Variants in L3HYPDH observed in about 807,000 individuals in gnomAD.
L3HYPDH encodes the protein trans-3-hydroxy-L-proline dehydratase.
Under a neutral mutation model 26.5 loss-of-function variants are expected in L3HYPDH, and 32 were observed. The observed-to-expected ratio is 1.21, with a 90% CI of 0.91 to 1.62. L3HYPDH has a LOEUF of 1.62. Among genes scored for constraint, L3HYPDH ranks in the 40% most tolerant of loss-of-function variants. The pLI is 0.00. For missense variants in L3HYPDH, 554 were observed against 476.4 expected, an observed-to-expected ratio of 1.16 and a Z score of -1.52; for synonymous variants, 215 against 196.6, an observed-to-expected ratio of 1.09 and a Z score of -0.78.
chr14:59,494,763 CTA>C, the L3HYPDH span, among the ~76,000 whole-genome samples: 1 of 152,042 alleles, frequency 6.6e-6, no homozygotes, highest in African/African-American at 2.4e-5. Context: ...ACACAGATAA[CTA>C]AGAAATTTTT....
chr14:59,490,726 C>T, the L3HYPDH span, among the ~76,000 whole-genome samples: 1 of 152,008 alleles, frequency 6.6e-6, no homozygotes, highest in African/African-American at 2.4e-5. Flanking sequence ...AGCTTTCATC[C>T]AGTTTTTAAT....
At position 59,467,449 on chromosome 14, in the gene L3HYPDH, G is replaced by A. The variant is rs375282710; in HGVS notation, n.31-6276C>T. Among the ~76,000 whole-genome samples, 7 of 152,290 alleles carry A rather than the reference G, an allele frequency of 4.6e-5. No individual in the cohort carries two copies. In the East Asian group the frequency reaches 9.6e-4, roughly 21 times the overall value. On this transcript the variant is annotated intron_variant and non_coding_transcript_variant, in intron 1 of 2. Coordinates refer to the L3HYPDH transcript ENST00000466522. ...AGGGAGGGCCGTGAGCAAGTGCATGGTTCAGAAGGACCAGAAGGACTGCAC... is the reference window on the plus strand; with the variant it reads ...AGGGAGGGCCGTGAGCAAGTGCATGATTCAGAAGGACCAGAAGGACTGCAC...
chr14:59,500,122 A>G, the L3HYPDH span, among the ~76,000 whole-genome samples: 1 of 152,180 alleles, frequency 6.6e-6, no homozygotes, highest in Admixed American at 6.6e-5. Context: ...TTGTTTAGCT[A>G]CTTATAAGTT....
At chr14:59,483,272 T>C (rs991746576) in intron 1 of L3HYPDH, among the ~76,000 whole-genome samples, 3 of 152,262 alleles carry the variant, frequency 2.0e-5, no homozygotes, top group Admixed American at 6.5e-5. Flanking sequence ...TGTGTGTTCC[T>C]GTTCTTAAAG....
At chr14:59,492,580 G>A in the L3HYPDH span, among the ~76,000 whole-genome samples, 2 of 152,150 alleles carry the variant, frequency 1.3e-5, no homozygotes, top group South Asian at 2.1e-4. Context: ...CTCCCCAGTC[G>A]AGATATAATT....
Position 59,484,203 on chromosome 14 carries a change from C to A in L3HYPDH, c.114G>T (p.Gly38=). ...GGGTGGGCCCAGACACCTCCGGACA[C>A]CCCGCCAGCACGATACGCAAGGGCT... ...GGEPLRIVLA[G]CPEVSGPTLL... The change falls in exon 1 of 5, where the codon GGG becomes GGT. Residue 38 remains glycine, a synonymous_variant. Coordinates refer to ENST00000247194, the MANE Select transcript of L3HYPDH (RefSeq NM_144581.2). 6.3e-7 allele frequency: 1 copy of A among 1,598,846 alleles called. No homozygotes were observed. The highest frequency in any genetic ancestry group is 8.5e-7 in the Non-Finnish European group (1 of 1,179,686).
chr14:59,485,039 C>G (rs765472472), upstream of L3HYPDH: 1 of 1,598,216 alleles, frequency 6.3e-7, no homozygotes, highest in Non-Finnish European at 8.5e-7. Flanking sequence ...AAAATGGAAT[C>G]TTAAAACTTT....
At chr14:59,490,536 T>C in the L3HYPDH span, among the ~76,000 whole-genome samples, 1 of 152,170 alleles carries the variant, frequency 6.6e-6, no homozygotes, top group Admixed American at 6.5e-5. Context: ...AGATATTTAA[T>C]AGAAGACTGT....
At chr14:59,503,646 G>T in the L3HYPDH span, among the ~76,000 whole-genome samples, 3 of 152,298 alleles carry the variant, frequency 2.0e-5, no homozygotes, top group African/African-American at 7.2e-5. Flanking sequence ...CCTCTACTGA[G>T]TGCTTATATG....
upstream of L3HYPDH, chr14:59,484,421 C>T: frequency 7.2e-7 from 1 of 1,390,144 alleles, no homozygotes; most frequent in Non-Finnish European, 9.8e-7. Context: ...CCAGCCACGT[C>T]CGGGGGGCGG....
the L3HYPDH span, among the ~76,000 whole-genome samples, chr14:59,501,950 G>C: frequency 6.6e-6 from 1 of 151,934 alleles, no homozygotes; most frequent in Non-Finnish European, 1.5e-5. Context: ...GTAGTCACTG[G>C]GTAGAATAGA....
At chr14:59,505,222 G>A in the L3HYPDH span, 1 of 1,358,594 alleles carries the variant, frequency 7.4e-7, no homozygotes, top group Non-Finnish European at 9.9e-7. Context: ...TGAATTCACA[G>A]CAGTTGTATC....
chr14:59,470,955 C>CGGGGGGGGGGGGGGGG (rs57974393), downstream of L3HYPDH, among the ~76,000 whole-genome samples: 1 of 56,098 alleles, frequency 1.8e-5, no homozygotes, highest in African/African-American at 7.5e-5. Flanking sequence ...TGGCTGGGGG[C>CGGGGGGGGGGGGGGGG]GGGGGGGGGG....
chr14:59,494,121 G>GGGGT, the L3HYPDH span, among the ~76,000 whole-genome samples: 1,819 of 151,064 alleles, frequency 0.012, 28 homozygotes, highest in African/African-American at 0.042. Context: ...AGAAAATTTG[G>GGGGT]GTGTGTGTGT....
rs571433274 is a variant in L3HYPDH, at chr14:59,474,668, C to T, written c.939+1201G>A. On this transcript the variant is annotated intron_variant, in intron 4 of 4. Coordinates refer to ENST00000247194, the MANE Select transcript of L3HYPDH (RefSeq NM_144581.2). The stretch of plus-strand genomic sequence containing the variant: ...AACTAACCTCTGGTAAATTACCTAA[C>T]TTCTCCAATTCTCCGTTTTATCATC... 9 of 573,798 alleles carry T rather than the reference C, an allele frequency of 1.6e-5. No homozygotes were observed. In the South Asian group the frequency reaches 2.1e-4, roughly 13 times the overall value. 35.5% of individuals were successfully genotyped at this position (573,798 alleles called of 1,614,324 possible). A position where few individuals can be genotyped will look rare whatever the true frequency, so the allele number is the denominator to read the frequency against.
Position 59,473,006 on chromosome 14 carries a change from C to A in L3HYPDH, c.1024G>T (p.Glu342Ter). The A allele has an allele frequency of 6.2e-7, 1 of 1,608,636 alleles. No homozygotes were observed. The highest frequency in any genetic ancestry group is 8.5e-7 in the Non-Finnish European group (1 of 1,178,002). Residue 342 changes from glutamate to a stop codon, truncating the protein, a stop_gained, in exon 5 of 5, where the codon GAA becomes TAA. Transcript: ENST00000247194. LOFTEE classifies it high-confidence loss of function. Reference protein sequence around the residue: ...HYTGTASFIIEDDDPLRDGFL... With the variant: ...HYTGTASFII The stretch of plus-strand genomic sequence containing the variant: ...CCATCCCTCAATGGGTCGTCATCTT[C>A]TATTATAAAGCTTGCTGTACCCGTG...
chr14:59,482,006 G>C (rs1034216863), intron 1 of L3HYPDH, among the ~76,000 whole-genome samples: 6 of 152,336 alleles, frequency 3.9e-5, no homozygotes, highest in African/African-American at 1.2e-4. Flanking sequence ...TTGTCAATCA[G>C]CATATTCTTC....
At chr14:59,486,935 T>G (rs2139856368), upstream of L3HYPDH, 1 of 678,156 alleles carries the variant, frequency 1.5e-6, no homozygotes, top group South Asian at 1.9e-5. Flanking sequence ...GCGCAGTGGC[T>G]CATGCCTGTA....
At chr14:59,465,849 T>C (rs1889153414) in intron 1 of L3HYPDH, among the ~76,000 whole-genome samples, 2 of 152,208 alleles carry the variant, frequency 1.3e-5, no homozygotes, top group Non-Finnish European at 2.9e-5. Context: ...ATAGAGGGCG[T>C]GTTAAAATAC....
Sources: gnomAD v4.1 joint callset for allele counts (sites outside exome capture counted in the v4.1 genomes callset) on GRCh38, gnomAD v4.1.1 for gene constraint, MANE v1.5 for transcripts, NCBI Gene and HGNC (gene_info 2026-07-23, HGNC 2026-07-21) for gene names.